Variants in ZNF420 observed in about 807,000 individuals in gnomAD.
ZNF420 encodes ATM and p53-associated KZNF protein.
Under a neutral mutation model 44.7 loss-of-function variants are expected in ZNF420, and 31 were observed. The ratio of observed to expected loss-of-function variants is 0.69; its 90% confidence interval spans 0.52 to 0.94. The LOEUF is 0.94. Ranked by LOEUF, ZNF420 falls within the 40% of genes least tolerant of loss-of-function variation. ZNF420 has a pLI of 0.00. For missense variants in ZNF420, 681 were observed against 827.9 expected (o/e 0.82, Z 2.18); for synonymous variants, 245 against 267.4 (o/e 0.92, Z 0.82).
At chr19:37,047,595 T>A (rs1967564479) in intron 1 of ZNF420, among the ~76,000 whole-genome samples, 1 of 152,210 alleles carries the variant, frequency 6.6e-6, no homozygotes, top group Non-Finnish European at 1.5e-5. Context: ...CTTCTAGAAT[T>A]TTCTTTGTTG....
At chr19:37,089,364 A>G (rs1969006366) in intron 3 of ZNF420, among the ~76,000 whole-genome samples, 1 of 152,188 alleles carries the variant, frequency 6.6e-6, no homozygotes, top group South Asian at 2.1e-4. Flanking sequence ...GACTAGGAAC[A>G]CTGATCTAAC....
At chr19:37,058,404 T>C (rs754109393) in intron 1 of ZNF420, among the ~76,000 whole-genome samples, 1 of 152,094 alleles carries the variant, frequency 6.6e-6, no homozygotes, top group Non-Finnish European at 1.5e-5. Context: ...GTCTTATTAT[T>C]GAGAGACATC....
intron 4 of ZNF420, among the ~76,000 whole-genome samples, chr19:37,111,106 T>C (rs1309530447): frequency 2.0e-5 from 3 of 152,246 alleles, no homozygotes; most frequent in Non-Finnish European, 2.9e-5. Flanking sequence ...TTAATTGTAC[T>C]GTGAGGAAGG....
chr19:37,095,762 C>G (rs565674116), intron 4 of ZNF420, among the ~76,000 whole-genome samples: 6 of 152,162 alleles, frequency 3.9e-5, no homozygotes, highest in Admixed American at 2.6e-4. Flanking sequence ...CCAAGCCCAG[C>G]TTATTTTTTA....
chr19:37,088,619 T>C (rs148613445), intron 2 of ZNF420, among the ~76,000 whole-genome samples: 93 of 152,354 alleles, frequency 6.1e-4, no homozygotes, highest in African/African-American at 2.2e-3. Flanking sequence ...ATGTCAAATA[T>C]AAAAGGTGTC....
Position 37,129,888 on chromosome 19 carries a change from T to C in ZNF420, c.*830T>C. 1 of 1,114,130 alleles carries C rather than the reference T, an allele frequency of 9.0e-7. No homozygotes were observed. The highest frequency in any genetic ancestry group is 1.2e-6 in the Non-Finnish European group (1 of 828,874). The allele number at this position is 1,114,130 out of a possible 1,614,324, so 69.0% of individuals were successfully genotyped here. On this transcript the variant is annotated 3_prime_UTR_variant, in exon 5 of 5. Coordinates refer to ENST00000337995, the MANE Select transcript of ZNF420 (RefSeq NM_144689.5). The stretch of plus-strand genomic sequence containing the variant: ...TCTAGGAATTTTTTAAAAACTTGAA[T>C]GTATTGCTTTTGAAGTAAACAAAAT...
intron 1 of ZNF420, among the ~76,000 whole-genome samples, chr19:37,054,448 C>T (rs1422130656): frequency 6.6e-6 from 1 of 152,224 alleles, no homozygotes; most frequent in Non-Finnish European, 1.5e-5. Flanking sequence ...TTCTGCATCA[C>T]TCATGCTGGG....
upstream of ZNF420, among the ~76,000 whole-genome samples, chr19:37,075,471 G>A (rs1052010900): frequency 6.6e-6 from 1 of 151,994 alleles, no homozygotes; most frequent in African/African-American, 2.4e-5. Flanking sequence ...GGCCGGGCGC[G>A]GTAGCTCACG....
chr19:37,047,619 G>A (rs1383725416), intron 1 of ZNF420, among the ~76,000 whole-genome samples: 2 of 152,194 alleles, frequency 1.3e-5, no homozygotes, highest in Non-Finnish European at 2.9e-5. Flanking sequence ...GTCTAGCAGT[G>A]TGCCATTTTA....
At position 37,129,733 on chromosome 19, in the gene ZNF420, A is replaced by G. The variant is rs1191076643; in HGVS notation, c.*675A>G. ...AAAAAAAAAAAAACCCAGTGGATAT[A>G]ATCAGTGTATTATTAAAAAAAAAAA... is the stretch of plus-strand genomic sequence containing the variant. On this transcript the variant is annotated 3_prime_UTR_variant, in exon 5 of 5. Transcript: ENST00000337995. The G allele has an allele frequency of 1.9e-5, 3 of 157,868 alleles. No individual in the cohort carries two copies. The highest frequency in any genetic ancestry group is 3.7e-5 in the Non-Finnish European group (3 of 80,196). The allele number at this position is 157,868 out of a possible 1,614,324, so 9.8% of individuals were successfully genotyped here. A position where few individuals can be genotyped will look rare whatever the true frequency, so the allele number is the denominator to read the frequency against.
At chr19:37,038,718 C>T (rs985824151) in intron 1 of ZNF420, among the ~76,000 whole-genome samples, 5 of 152,116 alleles carry the variant, frequency 3.3e-5, no homozygotes, top group African/African-American at 1.2e-4. Flanking sequence ...TTTGGGAGGC[C>T]AAGGCAGGAG....
At chr19:37,122,863 A>C (rs1269333787) in intron 4 of ZNF420, among the ~76,000 whole-genome samples, 1 of 152,174 alleles carries the variant, frequency 6.6e-6, no homozygotes, top group African/African-American at 2.4e-5. Flanking sequence ...GATGACTTTC[A>C]AACTTATATT....
intron 1 of ZNF420, among the ~76,000 whole-genome samples, chr19:37,030,222 C>G (rs1467757091): frequency 6.6e-6 from 1 of 152,106 alleles, no homozygotes; most frequent in Non-Finnish European, 1.5e-5. Flanking sequence ...AATGCAGTGG[C>G]GTGATCTCTG....
intron 4 of ZNF420, among the ~76,000 whole-genome samples, chr19:37,097,135 G>A (rs199943367): frequency 2.0e-5 from 3 of 152,054 alleles, no homozygotes; most frequent in East Asian, 1.9e-4. Context: ...TTGACCTTGT[G>A]ATCTGCCTGC....
intron 1 of ZNF420, among the ~76,000 whole-genome samples, chr19:37,031,113 C>T (rs1421041039): frequency 6.6e-6 from 1 of 152,140 alleles, no homozygotes; most frequent in Non-Finnish European, 1.5e-5. Context: ...CCTTGGCCTC[C>T]CAAAGTGCTG....
intron 1 of ZNF420, among the ~76,000 whole-genome samples, chr19:37,010,763 T>C (rs1893910281): frequency 6.6e-6 from 1 of 151,868 alleles, no homozygotes; most frequent in Admixed American, 6.6e-5. Context: ...AGGAGAGGCG[T>C]CGGTCCTGGA....
intron 1 of ZNF420, among the ~76,000 whole-genome samples, chr19:37,057,926 G>A (rs988305057): frequency 1.3e-5 from 2 of 152,112 alleles, no homozygotes; most frequent in Admixed American, 6.5e-5. Flanking sequence ...GCCAGGAACC[G>A]GAGATGACAA....
chr19:37,062,552 A>G (rs1052608488), intron 1 of ZNF420, among the ~76,000 whole-genome samples: 1 of 152,196 alleles, frequency 6.6e-6, no homozygotes, highest in Non-Finnish European at 1.5e-5. Flanking sequence ...GCCAGATTCA[A>G]ATTTGAAGCT....
intron 1 of ZNF420, among the ~76,000 whole-genome samples, chr19:37,047,481 T>A (rs1967563120): frequency 6.6e-6 from 1 of 152,240 alleles, no homozygotes; most frequent in Non-Finnish European, 1.5e-5. Context: ...TTCCAGCCTA[T>A]GGAACTTTGA....
Sources: allele counts gnomAD v4.1 joint callset (sites outside exome capture counted in the v4.1 genomes callset), GRCh38; gene constraint gnomAD v4.1.1; transcripts MANE v1.5; gene names NCBI Gene and HGNC (gene_info 2026-07-23, HGNC 2026-07-21).